USP47: variants seen among roughly 807,000 people sequenced by gnomAD.
The protein encoded by USP47 is ubiquitin carboxyl-terminal hydrolase 47.
USP47 carries 35 observed loss-of-function variants against 165.1 expected under a neutral mutation model. The observed-to-expected ratio is 0.21, with a 90% CI of 0.16 to 0.28. The LOEUF is 0.28. USP47 is among the 10% of genes least tolerant of loss of function. USP47 has a pLI of 1.00. For missense variants in USP47, 1,277 were observed against 1,607.4 expected (o/e 0.79, Z 3.52); for synonymous variants, 531 against 544.5 (o/e 0.98, Z 0.35).
At chr11:11,890,990 C>G (rs1259374488) in intron 3 of USP47, among the ~76,000 whole-genome samples, 1 of 152,034 alleles carries the variant, frequency 6.6e-6, no homozygotes, top group Non-Finnish European at 1.5e-5. Context: ...GAGGGAACAA[C>G]ACACACTGGG....
At chr11:11,949,846 A>G (rs768134091) in intron 22 of USP47, 43 bp from the exon 23 acceptor site, 1 of 1,326,302 alleles carries the variant, frequency 7.5e-7, no homozygotes, top group Non-Finnish European at 1.1e-6. Flanking sequence ...TAATGTACTT[A>G]AGGTATAATT....
At chr11:11,904,328 A>G (rs911264982) in intron 7 of USP47, among the ~76,000 whole-genome samples, 1 of 152,242 alleles carries the variant, frequency 6.6e-6, no homozygotes, top group African/African-American at 2.4e-5. Flanking sequence ...TTTAGTGTAG[A>G]CAGTGACGGT....
At chr11:11,846,766 A>G (rs1218015467) in intron 1 of USP47, among the ~76,000 whole-genome samples, 1 of 152,176 alleles carries the variant, frequency 6.6e-6, no homozygotes, top group Non-Finnish European at 1.5e-5. Flanking sequence ...TCCATTCATC[A>G]GTATCTATTA....
chr11:11,933,548 A>G (rs1215360587), intron 15 of USP47, among the ~76,000 whole-genome samples: 2 of 152,080 alleles, frequency 1.3e-5, no homozygotes, highest in Non-Finnish European at 2.9e-5. Context: ...TTAGGGAAAA[A>G]TTGGAAACAA....
At chr11:11,858,712 A>G in intron 1 of USP47, among the ~76,000 whole-genome samples, 1 of 152,174 alleles carries the variant, frequency 6.6e-6, no homozygotes, top group East Asian at 1.9e-4. Context: ...AGCATAAAGC[A>G]TTTGAGATTC....
intron 3 of USP47, among the ~76,000 whole-genome samples, chr11:11,884,978 C>G (rs1227321255): frequency 1.3e-5 from 2 of 152,134 alleles, no homozygotes; most frequent in Non-Finnish European, 2.9e-5. Flanking sequence ...TCAGTATCTG[C>G]AAGAAGGTCA....
rs1195174124 is a variant in USP47 at position 11,948,538 on chromosome 11, C to T, written c.3328C>T (p.Leu1110Phe). 1 of 1,612,138 alleles carries T rather than the reference C, an allele frequency of 6.2e-7. No homozygotes were observed. Among genetic ancestry groups the T allele is most frequent in the Non-Finnish European group, 8.5e-7 (1 of 1,178,674 alleles). The change falls in exon 22 of 28, where the codon CTT (leucine) becomes TTT (phenylalanine). Residue 1110 changes from leucine to phenylalanine, a missense_variant. Physicochemically the swap from Leu to Phe is conservative, Grantham distance 22 (BLOSUM62 0). Coordinates refer to ENST00000527733, the MANE Select transcript of USP47 (RefSeq NM_001282659.2). ...AGAATACAGAGTTAAAGTATACCAG[C>T]TTTTGGTCAATGAACAAGAGGTAAG... The part of the protein sequence containing the change: ...KGEYRVKVYQ[L>F]LVNEQEPCKF...
chr11:11,856,257 T>C (rs11022067), intron 1 of USP47, among the ~76,000 whole-genome samples: 8 of 152,234 alleles, frequency 5.3e-5, no homozygotes, highest in Non-Finnish European at 7.3e-5. Context: ...ACAATTGTTA[T>C]AAAATTTAGT....
At chr11:11,947,861 TA>T in intron 20 of USP47, 83 bp from the exon 21 acceptor site, 1 of 1,425,218 alleles carries the variant, frequency 7.0e-7, no homozygotes, top group Non-Finnish European at 9.5e-7. Context: ...TACAGTGTAA[TA>T]AAAAGTATAT....
intron 1 of USP47, among the ~76,000 whole-genome samples, chr11:11,877,813 G>C (rs1009961535): frequency 0.031 from 536 of 17,508 alleles, 6 homozygotes; most frequent in Admixed American, 0.043. Flanking sequence ...CTCTGTGTGT[G>C]TGTGTGTGTG....
chr11:11,877,467 G>A (rs937087079), intron 1 of USP47, among the ~76,000 whole-genome samples: 4 of 152,252 alleles, frequency 2.6e-5, no homozygotes, highest in South Asian at 4.1e-4. Context: ...AGAGTAAAAT[G>A]TAATTTGCTG....
intron 1 of USP47, among the ~76,000 whole-genome samples, chr11:11,864,063 A>G (rs71478984): frequency 2.0e-5 from 3 of 152,156 alleles, no homozygotes; most frequent in Non-Finnish European, 4.4e-5. Context: ...AAATATGCAT[A>G]CAAACACATA....
intron 15 of USP47, 96 bp downstream of exon 15, chr11:11,933,212 C>A: frequency 1.1e-6 from 1 of 948,772 alleles, no homozygotes; most frequent in Non-Finnish European, 1.6e-6. Context: ...GATTCTGAGA[C>A]AATTATGCTA....
Position 11,950,369 on chromosome 11 carries a change from G to A in USP47, c.3470G>A (p.Arg1157His). Residue 1157 changes from arginine (R) to histidine (H), a missense_variant, in exon 24 of 28, where the codon CGT (arginine) becomes CAT (histidine). Physicochemically the swap from Arg to His is conservative, Grantham distance 29. Coordinates refer to ENST00000527733, the MANE Select transcript of USP47 (RefSeq NM_001282659.2). ...CGLELSIDRF[R>H]LRKKTWKNPG... ...ATGTCTTATCACATTTGTAGGTTTCGTCTAAGGAAAAAAACATGGAAGAAT... is the reference window on the plus strand; with the variant it reads ...ATGTCTTATCACATTTGTAGGTTTCATCTAAGGAAAAAAACATGGAAGAAT... 5 of 1,586,012 alleles carry A rather than the reference G, an allele frequency of 3.2e-6. No homozygotes were observed. The highest frequency in any genetic ancestry group is 2.3e-5 in the East Asian group (1 of 43,788).
At chr11:11,899,267 G>T (rs980963416) in intron 5 of USP47, among the ~76,000 whole-genome samples, 1 of 152,186 alleles carries the variant, frequency 6.6e-6, no homozygotes, top group Non-Finnish European at 1.5e-5. Context: ...CAGGAATGGG[G>T]ATCCTGGGCA....
chr11:11,902,646 T>G, intron 5 of USP47, 69 bp from the exon 6 acceptor site: 1 of 1,124,198 alleles, frequency 8.9e-7, no homozygotes, highest in Non-Finnish European at 1.2e-6. Flanking sequence ...ATTATGATTT[T>G]GATATTAATT....
intron 1 of USP47, among the ~76,000 whole-genome samples, chr11:11,853,629 G>A (rs189878530): frequency 1.4e-4 from 21 of 152,208 alleles, no homozygotes; most frequent in African/African-American, 5.1e-4. Flanking sequence ...TTTGTCCTTA[G>A]GTGTGGAAGT....
At chr11:11,877,840 TGTGTGTGTGTGTGTGTGTGCGCGCGC>T (rs757588805) in intron 1 of USP47, among the ~76,000 whole-genome samples, 190 of 91,692 alleles carry the variant, frequency 2.1e-3, no homozygotes, top group African/African-American at 8.7e-3. Context: ...TGTGTGTGTG[TGTGTGTGTGTGTGTGTGTGCGCGCGC>T]GCAGATAAGA....
At position 11,956,277 on chromosome 11, in the gene USP47, C is replaced by A; in HGVS notation, c.*102C>A. On this transcript the variant is annotated 3_prime_UTR_variant, in exon 28 of 28. Coordinates refer to ENST00000527733, the MANE Select transcript of USP47 (RefSeq NM_001282659.2). Reference sequence around the variant, plus strand: ...TTGGCCGGACATGGTTGGGGTAACCCAGTGACACCAGCACTGATTGGACTG... The same window carrying A: ...TTGGCCGGACATGGTTGGGGTAACCAAGTGACACCAGCACTGATTGGACTG... The A allele has an allele frequency of 1.6e-6, 2 of 1,283,042 alleles. No homozygotes were observed. Among genetic ancestry groups the A allele is most frequent in the Non-Finnish European group, 2.2e-6 (2 of 907,990 alleles). 79.5% of individuals were successfully genotyped at this position (1,283,042 alleles called of 1,614,324 possible). A position where few individuals can be genotyped will look rare whatever the true frequency, so the allele number is the denominator to read the frequency against.
Sources: gnomAD v4.1 joint callset for allele counts (sites outside exome capture counted in the v4.1 genomes callset) on GRCh38, gnomAD v4.1.1 for gene constraint, MANE v1.5 for transcripts, NCBI Gene and HGNC (gene_info 2026-07-23, HGNC 2026-07-21) for gene names.